Variants in IL4R observed in about 807,000 individuals in gnomAD.
IL4R encodes the protein interleukin-4 receptor subunit alpha.
Under a neutral mutation model 41.5 loss-of-function variants are expected in IL4R, and 17 were observed. The observed-to-expected ratio is 0.41, with a 90% CI of 0.28 to 0.61. IL4R has a LOEUF of 0.61. IL4R is among the 20% of genes least tolerant of loss of function. The pLI, the probability that IL4R is intolerant of heterozygous loss-of-function variation, is 0.31. For missense variants in IL4R, 974 were observed against 1,043.1 expected (o/e 0.93, Z 0.91); for synonymous variants, 402 against 422.9 (o/e 0.95, Z 0.61).
At chr16:27,348,260 C>A (rs1280385100) in intron 6 of IL4R, among the ~76,000 whole-genome samples, 2 of 151,926 alleles carry the variant, frequency 1.3e-5, no homozygotes, top group African/African-American at 2.4e-5. Flanking sequence ...AAGCGGGGGG[C>A]ATGGGGGGAA....
At chr16:27,330,401 GAAAAGA>G (rs1351623759) in intron 2 of IL4R, among the ~76,000 whole-genome samples, 2 of 138,648 alleles carry the variant, frequency 1.4e-5, no homozygotes, top group Admixed American at 7.2e-5. Context: ...AAAAAAAAAA[GAAAAGA>G]AAAAGAAAAA....
Position 27,345,272 on chromosome 16 carries a change from A to C in IL4R, c.361+252A>C. The C allele has an allele frequency of 3.1e-6, 2 of 641,422 alleles. No homozygotes were observed. The highest frequency in any genetic ancestry group is 3.1e-5 in the East Asian group (1 of 31,858). 39.7% of individuals were successfully genotyped at this position (641,422 alleles called of 1,614,324 possible). ...TTTCCACCCCTGAACTTAAGTGCCCAGGAAGGCGTATTGAGATGAGGTGTG... is the reference window on the plus strand; with the variant it reads ...TTTCCACCCCTGAACTTAAGTGCCCCGGAAGGCGTATTGAGATGAGGTGTG... On this transcript the variant is annotated intron_variant, in intron 5 of 10. Transcript: ENST00000395762. The surrounding 1 kb of genome is among the most constrained non-coding windows in gnomAD (Gnocchi z 4.5).
chr16:27,356,100 T>C (rs954186643), intron 8 of IL4R, among the ~76,000 whole-genome samples, 193 bp downstream of exon 8: 3 of 143,624 alleles, frequency 2.1e-5, no homozygotes, highest in Non-Finnish European at 3.0e-5. Context: ...TTTTTTTTTT[T>C]TTTTTTTTTG....
chr16:27,363,978 T>A lies in IL4R; in HGVS notation c.*148T>A, dbSNP rs1461201088. On this transcript the variant is annotated 3_prime_UTR_variant, in exon 11 of 11. Coordinates refer to ENST00000395762, the MANE Select transcript of IL4R (RefSeq NM_000418.4). The stretch of plus-strand genomic sequence containing the variant: ...ATGAAGGTGATTGGCCCCACTGACG[T>A]TGGCCTAACACTGGGCTGCAGAGAC... The A allele has an allele frequency of 1.1e-6, 1 of 934,792 alleles. No homozygotes were observed. Among genetic ancestry groups the A allele is most frequent in the African/African-American group, 1.7e-5 (1 of 60,168 alleles). 57.9% of individuals were successfully genotyped at this position (934,792 alleles called of 1,614,324 possible).
intron 1 of IL4R, among the ~76,000 whole-genome samples, chr16:27,315,246 G>A (rs1390692844): frequency 6.6e-6 from 1 of 152,202 alleles, no homozygotes; most frequent in Non-Finnish European, 1.5e-5. Context: ...TGTAGGTTTG[G>A]CCAGGGTGTC....
Position 27,352,657 on chromosome 16 carries a change from A to T in IL4R, c.631A>T (p.Thr211Ser), listed in dbSNP as rs766212666. Reference protein sequence around the residue: ...VRAWAQCYNTTWSEWSPSTKW... With the variant: ...VRAWAQCYNTSWSEWSPSTKW... ...GGCCTGGGCTCAGTGCTATAACACCACCTGGAGTGAGTGGAGCCCCAGCAC... is the reference window on the plus strand; with the variant it reads ...GGCCTGGGCTCAGTGCTATAACACCTCCTGGAGTGAGTGGAGCCCCAGCAC... The change falls in exon 7 of 11, where the codon ACC becomes TCC. Residue 211 changes from threonine to serine, a missense_variant. By Grantham distance (58) the Thr-to-Ser change is moderately conservative. Around this residue, in one of 3 missense-constraint regions of IL4R, gnomAD observed 284 missense variants for 313.4 expected, o/e 0.91. Transcript: ENST00000395762. 1 of 1,614,210 alleles carries T rather than the reference A, an allele frequency of 6.2e-7. No individual in the cohort carries two copies. The highest frequency in any genetic ancestry group is 8.5e-7 in the Non-Finnish European group (1 of 1,180,032).
At chr16:27,351,069 G>C (rs1259056881) in intron 6 of IL4R, among the ~76,000 whole-genome samples, 2 of 152,190 alleles carry the variant, frequency 1.3e-5, no homozygotes, top group Non-Finnish European at 2.9e-5. Context: ...CTCTGCTTTA[G>C]AGTCTCGTGA....
rs112001871 is a variant in IL4R at position 27,327,968 on chromosome 16, A to G, written c.-151-2098A>G. 5.2e-3 allele frequency among the ~76,000 whole-genome samples: 787 copies of G among 151,974 alleles called. 9 individuals are homozygous for G. The highest frequency in any genetic ancestry group is 0.018 in the African/African-American group (760 of 41,488). On this transcript the variant is annotated intron_variant, in intron 1 of 10. Transcript: ENST00000395762. ...AGCTCATGCCTGTAATCCCAGCACT[A>G]TGGGAGGCTGAGGCAGGCGGATCAG...
chr16:27,320,155 C>A (rs1198098449), intron 1 of IL4R, among the ~76,000 whole-genome samples: 2 of 152,214 alleles, frequency 1.3e-5, no homozygotes, highest in East Asian at 3.8e-4. Flanking sequence ...GCATGAGCCA[C>A]TGCACGCGGC....
At chr16:27,339,337 G>A (rs767801740) in intron 2 of IL4R, among the ~76,000 whole-genome samples, 3 of 152,026 alleles carry the variant, frequency 2.0e-5, no homozygotes, top group Non-Finnish European at 2.9e-5. Context: ...TAAATTACCT[G>A]CTCTAAGGTA....
chr16:27,345,605 A>C lies in IL4R; in HGVS notation c.361+585A>C, dbSNP rs774265598. 10 of 182,872 alleles carry C rather than the reference A, an allele frequency of 5.5e-5. No individual in the cohort carries two copies. The highest frequency in any genetic ancestry group is 9.4e-5 in the Non-Finnish European group (8 of 85,250). 11.3% of individuals were successfully genotyped at this position (182,872 alleles called of 1,614,324 possible). ...GTTTTAAAACAGATGAATCAAAATA[A>C]AGAAAAATACTCAGTAAATCATCAT... On this transcript the variant is annotated intron_variant, in intron 5 of 10. Coordinates refer to ENST00000395762, the MANE Select transcript of IL4R (RefSeq NM_000418.4). This position sits in a 1 kb window ranked among gnomAD's most constrained non-coding sequence, Gnocchi z 4.5.
chr16:27,343,507 A>G (rs1268416879), intron 4 of IL4R, among the ~76,000 whole-genome samples: 1 of 152,012 alleles, frequency 6.6e-6, no homozygotes, highest in Non-Finnish European at 1.5e-5. Context: ...GCTCACTGCA[A>G]CCTCTGCCTC....
intron 4 of IL4R, 140 bp downstream of exon 4, chr16:27,342,399 G>A: frequency 9.9e-7 from 1 of 1,014,280 alleles, no homozygotes; most frequent in Non-Finnish European, 1.5e-6. Flanking sequence ...TTAGAGGGGA[G>A]GTCCCATCTC....
chr16:27,326,661 A>G (rs1264269828), intron 1 of IL4R, among the ~76,000 whole-genome samples: 1 of 152,148 alleles, frequency 6.6e-6, no homozygotes, highest in African/African-American at 2.4e-5. Flanking sequence ...CCCTGTCTCT[A>G]AAGCAAAAAA....
chr16:27,335,530 C>T (rs528313585), intron 2 of IL4R, among the ~76,000 whole-genome samples: 16 of 152,170 alleles, frequency 1.1e-4, no homozygotes, highest in Middle Eastern at 3.4e-3. Flanking sequence ...ACACTGCACC[C>T]GGCCTCCTCC....
intron 1 of IL4R, among the ~76,000 whole-genome samples, chr16:27,326,231 T>C (rs767799506): frequency 7.0e-4 from 106 of 152,272 alleles, no homozygotes; most frequent in South Asian, 2.1e-4. Flanking sequence ...CTCTGGCAAC[T>C]TCTTCCTTGC....
In IL4R at chr16:27,355,958, G is replaced by A. The variant is rs116387421; in HGVS notation, c.770+51G>A. On this transcript the variant is annotated intron_variant, in intron 8 of 10. Transcript: ENST00000395762. ...AGCAGTCCCTCTGGAGTGCAGGGTG[G>A]CAGGGACTTGCCCCTCTAGTCTGCC... 1.0e-3 allele frequency: 1,336 copies of A among 1,285,356 alleles called. 12 individuals are homozygous for A. In the African/African-American group the frequency reaches 0.018, roughly 17 times the overall value. 79.6% of individuals were successfully genotyped at this position (1,285,356 alleles called of 1,614,324 possible).
At chr16:27,337,240 A>G (rs1386379342) in intron 2 of IL4R, among the ~76,000 whole-genome samples, 16 of 152,066 alleles carry the variant, frequency 1.1e-4, no homozygotes. Context: ...CTCGGAGAGC[A>G]TCCAGCAGGG....
intron 4 of IL4R, among the ~76,000 whole-genome samples, chr16:27,343,290 A>T (rs1013918030): frequency 6.6e-6 from 1 of 152,160 alleles, no homozygotes; most frequent in Non-Finnish European, 1.5e-5. Flanking sequence ...TAGTCCAGGG[A>T]TTGGCAAACT....
Sources: allele counts gnomAD v4.1 joint callset (sites outside exome capture counted in the v4.1 genomes callset), GRCh38; gene constraint gnomAD v4.1.1; regional missense constraint gnomAD v4.1.1; non-coding constraint Gnocchi (gnomAD v3.1); transcripts MANE v1.5; gene names NCBI Gene and HGNC (gene_info 2026-07-23, HGNC 2026-07-21).